The following SEMA6D variants were observed in gnomAD, a reference collection of about 807,000 sequenced individuals.
SEMA6D encodes semaphorin-6D.
A neutral mutation model predicts 106.6 loss-of-function variants in SEMA6D; 35 were observed. The observed-to-expected ratio is 0.33, with a 90% CI of 0.25 to 0.44. The LOEUF (loss-of-function observed/expected upper bound fraction) is 0.44. Ranked by LOEUF, SEMA6D falls within the 20% of genes least tolerant of loss-of-function variation. SEMA6D has a pLI of 1.00. For missense variants in SEMA6D, 1,185 were observed against 1,345.9 expected, an observed-to-expected ratio of 0.88 and a Z score of 1.87; for synonymous variants, 499 against 487.7, an observed-to-expected ratio of 1.02 and a Z score of -0.31.
intron 4 of SEMA6D, among the ~76,000 whole-genome samples, chr15:47,658,616 G>A (rs888683331): frequency 1.3e-5 from 2 of 152,088 alleles, no homozygotes; most frequent in East Asian, 1.9e-4. Flanking sequence ...GTTGGACTGC[G>A]CAATCCTTCC....
In SEMA6D at chr15:47,681,591, CAT is replaced by C. The variant is rs368261998; in HGVS notation, c.-54-78153_-54-78152del. 3.5e-3 allele frequency among the ~76,000 whole-genome samples: 530 copies of C among 152,246 alleles called. 2 individuals carry two copies. The highest frequency in any genetic ancestry group is 0.011 in the African/African-American group (477 of 41,552). On this transcript the variant is annotated intron_variant, in intron 4 of 19. Coordinates refer to the SEMA6D transcript ENST00000558014. Reference sequence around the variant, plus strand: ...TTTAACATGTTAAGAGGATAGATCTCATGTGCTATTTAGCAAAATAAAAAAAT... The same window carrying C: ...TTTAACATGTTAAGAGGATAGATCTCGTGCTATTTAGCAAAATAAAAAAAT...
chr15:47,315,369 T>C (rs544213890), intron 1 of SEMA6D, among the ~76,000 whole-genome samples: 43 of 152,344 alleles, frequency 2.8e-4, no homozygotes, highest in Non-Finnish European at 5.3e-4. Flanking sequence ...CTCCACTGTA[T>C]TGCCTTTGCT....
intron 1 of SEMA6D, among the ~76,000 whole-genome samples, chr15:47,199,452 T>TC (rs1268819462): frequency 1.3e-5 from 2 of 152,098 alleles, no homozygotes; most frequent in Non-Finnish European, 2.9e-5. Context: ...AGTGTGTGTC[T>TC]CCCCTACAAA....
At chr15:47,752,611 T>A (rs1161889158) in intron 1 of SEMA6D, among the ~76,000 whole-genome samples, 1 of 152,126 alleles carries the variant, frequency 6.6e-6, no homozygotes, top group African/African-American at 2.4e-5. Flanking sequence ...TGGACAGTAC[T>A]TAAATGGTTA....
chr15:47,546,398 G>C (rs1338061871), intron 3 of SEMA6D, among the ~76,000 whole-genome samples: 1 of 152,072 alleles, frequency 6.6e-6, no homozygotes, highest in African/African-American at 2.4e-5. Flanking sequence ...CATAAATTGA[G>C]TTTCTTTTCA....
chr15:47,491,201 C>G (rs1205872391), intron 3 of SEMA6D, among the ~76,000 whole-genome samples: 1 of 152,120 alleles, frequency 6.6e-6, no homozygotes, highest in Non-Finnish European at 1.5e-5. Context: ...AATTTTCCTG[C>G]TCTTTGCCCA....
intron 1 of SEMA6D, among the ~76,000 whole-genome samples, chr15:47,392,813 G>A (rs281296): frequency 0.51 from 77,161 of 152,142 alleles, 23,136 homozygotes; most frequent in African/African-American, 0.85. Flanking sequence ...AACTCCAGTT[G>A]AGGAAGGTTG....
intron 1 of SEMA6D, among the ~76,000 whole-genome samples, chr15:47,222,234 T>A (rs2031274046): frequency 2.0e-5 from 3 of 152,198 alleles, no homozygotes; most frequent in Non-Finnish European, 2.9e-5. Context: ...CCTACAGAAA[T>A]GACCCATCAT....
chr15:47,433,990 CA>C (rs2041621151), intron 2 of SEMA6D, among the ~76,000 whole-genome samples: 1 of 152,020 alleles, frequency 6.6e-6, no homozygotes, highest in African/African-American at 2.4e-5. Flanking sequence ...AGGTTTTCAG[CA>C]AGAAGTAAGT....
intron 1 of SEMA6D, among the ~76,000 whole-genome samples, chr15:47,333,960 G>T (rs2037448650): frequency 6.6e-6 from 1 of 152,196 alleles, no homozygotes; most frequent in African/African-American, 2.4e-5. Context: ...TCATTCCAGA[G>T]ATATTTCTGC....
chr15:47,274,603 A>G (rs2034713550), intron 1 of SEMA6D, among the ~76,000 whole-genome samples: 1 of 152,178 alleles, frequency 6.6e-6, no homozygotes. Flanking sequence ...TGTGAAAAGA[A>G]AACAGAGGAG....
chr15:47,359,676 G>A (rs781003671), intron 1 of SEMA6D: 1 of 151,888 alleles, frequency 6.6e-6, no homozygotes, highest in Admixed American at 6.6e-5. Flanking sequence ...CTGAAAGAAC[G>A]AAAGTAGAAA....
intron 1 of SEMA6D, among the ~76,000 whole-genome samples, chr15:47,276,539 A>G (rs887178844): frequency 5.3e-5 from 8 of 152,178 alleles, no homozygotes; most frequent in Non-Finnish European, 8.8e-5. Flanking sequence ...ATGGAAAAAT[A>G]AACCGTGGAT....
intron 3 of SEMA6D, among the ~76,000 whole-genome samples, chr15:47,525,720 G>A (rs2044733440): frequency 6.6e-6 from 1 of 152,124 alleles, no homozygotes; most frequent in African/African-American, 2.4e-5. Context: ...GCTCTCAGAG[G>A]TCTGACCCCA....
At chr15:47,471,947 A>T (rs991028600) in intron 3 of SEMA6D, among the ~76,000 whole-genome samples, 134 of 151,298 alleles carry the variant, frequency 8.9e-4, no homozygotes, top group African/African-American at 3.2e-3. Flanking sequence ...ACACACACAC[A>T]CACACACACA....
chr15:47,511,838 AG>A (rs1211796037), intron 3 of SEMA6D, among the ~76,000 whole-genome samples: 1 of 152,136 alleles, frequency 6.6e-6, no homozygotes. Flanking sequence ...GGCACCCCTC[AG>A]GCCACACATG....
At chr15:47,367,071 C>G (rs1223360355) in intron 1 of SEMA6D, among the ~76,000 whole-genome samples, 1 of 152,162 alleles carries the variant, frequency 6.6e-6, no homozygotes, top group African/African-American at 2.4e-5. Flanking sequence ...TTCATCAGCT[C>G]TTTAACGGAA....
intron 1 of SEMA6D, among the ~76,000 whole-genome samples, chr15:47,384,814 G>GTTTTTTTTTTTTTTTTTTTT (rs1168068495): frequency 1.5e-5 from 1 of 65,696 alleles, no homozygotes; most frequent in African/African-American, 5.3e-5. Context: ...GATTACTAAA[G>GTTTTTTTTTTTTTTTTTTTT]TTTTTTTTTT....
intron 2 of SEMA6D, among the ~76,000 whole-genome samples, chr15:47,412,643 C>T (rs912094141): frequency 1.3e-5 from 2 of 152,130 alleles, no homozygotes; most frequent in Non-Finnish European, 2.9e-5. Flanking sequence ...AAGTACTGAA[C>T]ATAGTGTTTG....
Sources: gnomAD v4.1 joint callset for allele counts (sites outside exome capture counted in the v4.1 genomes callset) on GRCh38, gnomAD v4.1.1 for gene constraint, MANE v1.5 for transcripts, NCBI Gene and HGNC (gene_info 2026-07-23, HGNC 2026-07-21) for gene names.